SMG6: variants seen among roughly 807,000 people sequenced by gnomAD.
SMG6 encodes the protein SMG6 nonsense mediated mRNA decay factor.
Under a neutral mutation model 142.2 loss-of-function variants are expected in SMG6, and 66 were observed. The ratio of observed to expected loss-of-function variants is 0.46; its 90% confidence interval spans 0.38 to 0.57. SMG6 has a LOEUF of 0.57. SMG6 is among the 20% of genes least tolerant of loss of function. The pLI is 0.00. For synonymous variants in SMG6, 779 were observed against 702.4 expected (o/e 1.11, Z -1.72); for missense variants, 1,793 against 1,832.0 (o/e 0.98, Z 0.39).
chr17:2,269,366 A>C (rs2074497590), intron 8 of SMG6, among the ~76,000 whole-genome samples: 1 of 150,628 alleles, frequency 6.6e-6, no homozygotes, highest in Non-Finnish European at 1.5e-5. Flanking sequence ...ACTCCAGCCC[A>C]GGGTGACAGC....
At chr17:2,284,921 C>T (rs981889937) in intron 6 of SMG6, among the ~76,000 whole-genome samples, 2 of 152,156 alleles carry the variant, frequency 1.3e-5, no homozygotes, top group African/African-American at 4.8e-5. Context: ...ATCTACACTA[C>T]TCACCTGATT....
intron 13 of SMG6, among the ~76,000 whole-genome samples, chr17:2,138,318 T>C (rs1250147591): frequency 6.6e-6 from 1 of 152,162 alleles, no homozygotes; most frequent in African/African-American, 2.4e-5. Context: ...TAAAGAAGCC[T>C]GTCCCCCATC....
At chr17:2,080,562 G>C (rs1420567164) in intron 15 of SMG6, among the ~76,000 whole-genome samples, 1 of 152,188 alleles carries the variant, frequency 6.6e-6, no homozygotes, top group African/African-American at 2.4e-5. Flanking sequence ...ACTATGCTAA[G>C]TGCTTTACAT....
intron 8 of SMG6, among the ~76,000 whole-genome samples, chr17:2,258,036 T>TATACAC (rs2074229358): frequency 1.5e-5 from 1 of 66,684 alleles, no homozygotes; most frequent in Non-Finnish European, 2.9e-5. Context: ...AAAAAAAAAA[T>TATACAC]ATACACACAC....
chr17:2,247,313 A>T (rs962882333), intron 8 of SMG6, among the ~76,000 whole-genome samples: 1 of 152,220 alleles, frequency 6.6e-6, no homozygotes, highest in Non-Finnish European at 1.5e-5. Flanking sequence ...CACAGATAGG[A>T]TGTTATTTCA....
chr17:2,275,421 C>T (rs1192692390), intron 8 of SMG6, among the ~76,000 whole-genome samples: 1 of 152,106 alleles, frequency 6.6e-6, no homozygotes, highest in Non-Finnish European at 1.5e-5. Context: ...GACTCTGTCA[C>T]AAAACAAAAC....
At chr17:2,185,618 C>T (rs1311015159) in intron 12 of SMG6, among the ~76,000 whole-genome samples, 3 of 152,126 alleles carry the variant, frequency 2.0e-5, no homozygotes, top group African/African-American at 7.2e-5. Context: ...CTCTGCTATA[C>T]ACAAATGCTC....
chr17:2,144,049 C>CG (rs2070578482), intron 13 of SMG6, among the ~76,000 whole-genome samples: 4 of 65,102 alleles, frequency 6.1e-5, no homozygotes, highest in African/African-American at 1.3e-4. Flanking sequence ...ACCACGGCCG[C>CG]TTTTTTTTTT....
chr17:2,293,555 C>T lies in SMG6; in HGVS notation c.2152-578G>A, dbSNP rs139153829. The stretch of plus-strand genomic sequence containing the variant: ...CGTGATCTCAGCTCACTGCAACCTC[C>T]ACCTCCTGAGCTCAAGTGATTCTCG... On this transcript the variant is annotated intron_variant, in intron 4 of 18. Coordinates refer to ENST00000263073, the MANE Select transcript of SMG6 (RefSeq NM_017575.5). Among the ~76,000 whole-genome samples the T allele has an allele frequency of 1.1e-4, 16 of 152,244 alleles. No homozygotes were observed. The East Asian group carries it at 2.9e-3, about 28-fold the overall frequency.
chr17:2,189,504 G>C (rs1250029538), intron 10 of SMG6, among the ~76,000 whole-genome samples: 1 of 152,102 alleles, frequency 6.6e-6, no homozygotes, highest in Admixed American at 6.5e-5. Flanking sequence ...CACTAGCTCT[G>C]GCAGCAGCTA....
At position 2,118,285 on chromosome 17, in the gene SMG6, C is replaced by A. The variant is rs139563409; in HGVS notation, c.3358-32384G>T. Among the ~76,000 whole-genome samples the A allele has an allele frequency of 5.5e-4, 83 of 151,344 alleles. 1 individual carries two copies. The highest frequency in any genetic ancestry group is 1.9e-3 in the African/African-American group (78 of 41,234). On this transcript the variant is annotated intron_variant, in intron 13 of 18. Coordinates refer to ENST00000263073, the MANE Select transcript of SMG6 (RefSeq NM_017575.5). ...GGGCGCAGTGGCTCATGCCTGTAAT[C>A]CCAGCACTTTGGGAGGCTGAGGCAG...
intron 6 of SMG6, 43 bp from the exon 7 acceptor site, chr17:2,283,778 C>T (rs2074844407): frequency 6.6e-7 from 1 of 1,512,492 alleles, no homozygotes; most frequent in Non-Finnish European, 9.2e-7. Flanking sequence ...CAATTCTCGT[C>T]CTAACTCCAG....
intron 10 of SMG6, among the ~76,000 whole-genome samples, chr17:2,210,510 G>C (rs989934739): frequency 6.6e-6 from 1 of 151,866 alleles, no homozygotes; most frequent in African/African-American, 2.4e-5. Context: ...TCATGAAAAA[G>C]ATCAGGGCAG....
intron 4 of SMG6, among the ~76,000 whole-genome samples, chr17:2,293,182 AAC>A (rs1425779467): frequency 6.6e-6 from 1 of 152,182 alleles, no homozygotes; most frequent in Non-Finnish European, 1.5e-5. Flanking sequence ...CTACCAAAAA[AAC>A]AGTCAGCAGT....
intron 2 of SMG6, 37 bp downstream of exon 2, chr17:2,298,868 TC>T (rs754596840): frequency 1.3e-6 from 2 of 1,570,748 alleles, no homozygotes; most frequent in South Asian, 2.3e-5. Context: ...CTCCGGCTGA[TC>T]CCCATTTCCC....
chr17:2,137,465 T>G (rs1442260473), intron 13 of SMG6, among the ~76,000 whole-genome samples: 1 of 152,048 alleles, frequency 6.6e-6, no homozygotes, highest in Non-Finnish European at 1.5e-5. Flanking sequence ...CAAGAAATGG[T>G]GTGACAGTAC....
chr17:2,179,894 T>C (rs1161606826), intron 12 of SMG6, among the ~76,000 whole-genome samples: 2 of 152,208 alleles, frequency 1.3e-5, no homozygotes, highest in Non-Finnish European at 2.9e-5. Context: ...GACCAGGACC[T>C]GGGTTCAAGT....
At chr17:2,157,353 T>C (rs535220753) in intron 13 of SMG6, among the ~76,000 whole-genome samples, 237 of 152,300 alleles carry the variant, frequency 1.6e-3, no homozygotes, top group African/African-American at 5.5e-3. Flanking sequence ...TGTTTTCCAT[T>C]AAAAGTTCCC....
chr17:2,284,096 A>G (rs1354095234), intron 6 of SMG6, among the ~76,000 whole-genome samples: 1 of 152,220 alleles, frequency 6.6e-6, no homozygotes, highest in Non-Finnish European at 1.5e-5. Context: ...AGTATGCTAT[A>G]ATGAAATCAC....
Sources: gnomAD v4.1 joint callset for allele counts (sites outside exome capture counted in the v4.1 genomes callset) on GRCh38, gnomAD v4.1.1 for gene constraint, MANE v1.5 for transcripts, NCBI Gene and HGNC (gene_info 2026-07-23, HGNC 2026-07-21) for gene names.